The following BMP7 variants were observed in gnomAD, a reference collection of about 807,000 sequenced individuals.
BMP7 encodes the protein osteogenic protein 1.
Under a neutral mutation model 41.2 loss-of-function variants are expected in BMP7, and 12 were observed. The ratio of observed to expected loss-of-function variants is 0.29; its 90% CI spans 0.19 to 0.47. BMP7 has a LOEUF of 0.47. Ranked by LOEUF, BMP7 falls within the 20% of genes least tolerant of loss-of-function variation. The pLI is 0.99. For synonymous variants in BMP7, 248 were observed against 250.0 expected, an observed-to-expected ratio of 0.99 and a Z score of 0.07; for missense variants, 467 against 606.0, an observed-to-expected ratio of 0.77 and a Z score of 2.41.
rs532680709 is a variant in BMP7 at position 57,261,345 on chromosome 20, C to T, written c.418+4360G>A. The stretch of plus-strand genomic sequence containing the variant: ...TGCAAGTGGGCCATCTCTGTTACCC[C>T]TTCCATGGGGACCGCTCCACAACCG... On this transcript the variant is annotated intron_variant, in intron 1 of 6. Coordinates refer to ENST00000395863, the MANE Select transcript of BMP7 (RefSeq NM_001719.3). This position sits in a 1 kb window ranked among gnomAD's most constrained non-coding sequence, Gnocchi z 4.1. 6.6e-6 allele frequency among the ~76,000 whole-genome samples: 1 copy of T among 152,282 alleles called. No individual in the cohort carries two copies. The highest frequency in any genetic ancestry group is 2.4e-5 in the African/African-American group (1 of 41,556).
chr20:57,185,806 G>C (rs1984195854), intron 3 of BMP7, among the ~76,000 whole-genome samples: 1 of 152,056 alleles, frequency 6.6e-6, no homozygotes, highest in African/African-American at 2.4e-5. Flanking sequence ...GCTCAGGGCA[G>C]AGCTTTGCAT....
At chr20:57,256,130 C>T (rs112192164) in intron 1 of BMP7, among the ~76,000 whole-genome samples, 128 of 152,314 alleles carry the variant, frequency 8.4e-4, no homozygotes, top group African/African-American at 3.0e-3. Context: ...GCCTCCAGAA[C>T]ATCAGTCTCC....
intron 2 of BMP7, among the ~76,000 whole-genome samples, chr20:57,208,332 G>C (rs1800430452): frequency 6.6e-6 from 1 of 152,210 alleles, no homozygotes; most frequent in Non-Finnish European, 1.5e-5. Context: ...GCCATGAAAA[G>C]ATGCTAAACA....
chr20:57,207,891 G>A (rs534572978), intron 2 of BMP7, among the ~76,000 whole-genome samples: 19 of 136,444 alleles, frequency 1.4e-4, no homozygotes, highest in Non-Finnish European at 2.0e-4. Flanking sequence ...CTGCAGTGGC[G>A]CAATCTCGGC....
intron 2 of BMP7, among the ~76,000 whole-genome samples, chr20:57,217,940 C>T (rs1450987276): frequency 2.6e-5 from 4 of 152,192 alleles, no homozygotes; most frequent in Non-Finnish European, 5.9e-5. Flanking sequence ...TGTGTTTCCA[C>T]GTGTTTACGT....
chr20:57,244,637 C>A (rs1263188056), intron 1 of BMP7, among the ~76,000 whole-genome samples: 1 of 152,216 alleles, frequency 6.6e-6, no homozygotes, highest in Admixed American at 6.5e-5. Context: ...TGGGGACAGG[C>A]AGAGGCCCCC....
intron 4 of BMP7, among the ~76,000 whole-genome samples, chr20:57,181,222 A>G (rs1462116943): frequency 6.6e-6 from 1 of 152,158 alleles, no homozygotes; most frequent in Admixed American, 6.5e-5. Context: ...CACTCTGAGG[A>G]GGCTGGGGGC....
intron 4 of BMP7, among the ~76,000 whole-genome samples, chr20:57,176,982 T>C (rs1053536547): frequency 1.3e-5 from 2 of 152,150 alleles, no homozygotes; most frequent in African/African-American, 4.8e-5. Flanking sequence ...TCCCTAAGCC[T>C]TACTTTCTTC....
intron 1 of BMP7, among the ~76,000 whole-genome samples, chr20:57,246,061 G>T (rs1406290061): frequency 1.4e-5 from 2 of 141,688 alleles, no homozygotes; most frequent in Non-Finnish European, 3.1e-5. Context: ...GTACGAGGGG[G>T]TTCTGGTCGC....
At chr20:57,239,610 T>A (rs1177181238) in intron 1 of BMP7, among the ~76,000 whole-genome samples, 2 of 152,220 alleles carry the variant, frequency 1.3e-5, no homozygotes, top group Non-Finnish European at 2.9e-5. Flanking sequence ...CACATTTCCC[T>A]TCCCCACTGC....
chr20:57,249,218 G>A (rs116685986), intron 1 of BMP7, among the ~76,000 whole-genome samples: 15 of 151,964 alleles, frequency 9.9e-5, no homozygotes, highest in Non-Finnish European at 1.2e-4. Context: ...AGGTCCTTAA[G>A]TGTAAGTATA....
intron 2 of BMP7, among the ~76,000 whole-genome samples, chr20:57,210,342 C>G (rs989930037): frequency 6.6e-6 from 1 of 152,212 alleles, no homozygotes; most frequent in Non-Finnish European, 1.5e-5. Context: ...TCCCCAGGCT[C>G]GTTTCCAGTG....
In BMP7 at chr20:57,265,627, TAGA is replaced by T. The variant is rs74626461; in HGVS notation, c.418+75_418+77del. The T allele has an allele frequency of 1.2e-4, 192 of 1,539,092 alleles. 1 individual carries two copies. Among genetic ancestry groups the T allele is most frequent in the South Asian group, 1.9e-4 (16 of 83,176 alleles). ...GGAGCGGAAAGCTGGGCGGGCTGCA[TAGA>T]AGAAGCGGCTCCCTCCCTCCCAGTC... is the stretch of plus-strand genomic sequence containing the variant. On this transcript the variant is annotated intron_variant, in intron 1 of 6. Transcript: ENST00000395863.
At chr20:57,258,590 T>C (rs146853175) in intron 1 of BMP7, among the ~76,000 whole-genome samples, 2 of 152,314 alleles carry the variant, frequency 1.3e-5, no homozygotes, top group East Asian at 3.8e-4. Flanking sequence ...CTACAGAGAG[T>C]TCCGGTATAC....
chr20:57,222,489 C>A (rs115085047), intron 2 of BMP7, among the ~76,000 whole-genome samples: 3,970 of 152,052 alleles, frequency 0.026, 184 homozygotes, highest in African/African-American at 0.09. Context: ...CATGAGAGGA[C>A]CCCAAGCGGA....
At chr20:57,205,853 C>G (rs903105873) in intron 2 of BMP7, among the ~76,000 whole-genome samples, 2 of 152,206 alleles carry the variant, frequency 1.3e-5, no homozygotes, top group Admixed American at 6.5e-5. Context: ...GTCAACTCCC[C>G]TCCTTCAAGT....
rs138428729 is a variant in BMP7, at chr20:57,265,563, G to C, written c.418+142C>G. 4.3e-4 allele frequency: 578 copies of C among 1,337,560 alleles called. 10 individuals carry two copies. The East Asian group carries it at 0.014, about 33-fold the overall frequency. The allele number at this position is 1,337,560 out of a possible 1,614,324, so 82.9% of individuals were successfully genotyped here. ...CACAGCTTGGGAGTCATAGGGCTGT[G>C]GGTGGGAGACCCTCGGGCAGGCACT... On this transcript the variant is annotated intron_variant, in intron 1 of 6. Transcript: ENST00000395863.
At chr20:57,206,554 G>A (rs1036308187) in intron 2 of BMP7, among the ~76,000 whole-genome samples, 4 of 152,210 alleles carry the variant, frequency 2.6e-5, no homozygotes, top group South Asian at 2.1e-4. Flanking sequence ...TGTATGATAC[G>A]TGTTGTCATC....
At chr20:57,231,671 G>A (rs1035469482) in intron 1 of BMP7, among the ~76,000 whole-genome samples, 8 of 152,174 alleles carry the variant, frequency 5.3e-5, no homozygotes, top group South Asian at 4.1e-4. Context: ...CCCTTGAGTC[G>A]TGCCATGATT....
Sources: gnomAD v4.1 joint callset for allele counts (sites outside exome capture counted in the v4.1 genomes callset) on GRCh38, gnomAD v4.1.1 for gene constraint, Gnocchi (gnomAD v3.1) non-coding constraint, MANE v1.5 for transcripts, NCBI Gene and HGNC (gene_info 2026-07-23, HGNC 2026-07-21) for gene names.